Variants in GARNL3 observed in about 807,000 individuals in gnomAD.
The protein encoded by GARNL3 is GTPase-activating Rap/Ran-GAP domain-like protein 3.
A neutral mutation model predicts 125.0 loss-of-function variants in GARNL3; 63 were observed. That is an observed-to-expected ratio of 0.50 (90% CI 0.41 to 0.62). The LOEUF (loss-of-function observed/expected upper bound fraction) is 0.62. Among genes scored for constraint, GARNL3 ranks in the 20% least tolerant of loss-of-function variants. The pLI, the probability that GARNL3 is intolerant of heterozygous loss-of-function variation, is 0.00. For synonymous variants in GARNL3, 439 were observed against 457.5 expected (o/e 0.96, Z 0.52); for missense variants, 994 against 1,244.0 (o/e 0.80, Z 3.02).
intron 2 of GARNL3, chr9:127,300,485 T>C (rs2064749278): frequency 5.0e-6 from 2 of 397,276 alleles, no homozygotes; most frequent in Non-Finnish European, 9.7e-6. Context: ...TTTTTTGTTG[T>C]TTTTTGAGAC....
chr9:127,377,674 CT>C (rs1831994794), intron 22 of GARNL3, among the ~76,000 whole-genome samples: 2 of 151,788 alleles, frequency 1.3e-5, no homozygotes, highest in African/African-American at 4.8e-5. Flanking sequence ...GTAATCCCAG[CT>C]ACTTGGGAGG....
At chr9:127,260,157 C>T (rs114985879), upstream of GARNL3, among the ~76,000 whole-genome samples, 371 of 152,270 alleles carry the variant, frequency 2.4e-3, 3 homozygotes, top group African/African-American at 8.5e-3. Flanking sequence ...GACTGAAGTG[C>T]GTGCTCTGAG....
At chr9:127,391,798 C>G (rs760084870) in intron 27 of GARNL3, among the ~76,000 whole-genome samples, 4 of 151,758 alleles carry the variant, frequency 2.6e-5, no homozygotes, top group Non-Finnish European at 5.9e-5. Flanking sequence ...TCCAGCCTAT[C>G]CGAATGCCAG....
intron 2 of GARNL3, among the ~76,000 whole-genome samples, chr9:127,305,215 A>G (rs1283516034): frequency 1.3e-5 from 2 of 148,768 alleles, no homozygotes; most frequent in African/African-American, 4.8e-5. Flanking sequence ...ATGAGGGTGT[A>G]TAAATGTAAA....
rs1189282886 is a variant in GARNL3, at chr9:127,311,749, T to TGTG, written c.319+20_319+22dup. 1 of 1,536,418 alleles carries TGTG rather than the reference T, an allele frequency of 6.5e-7. No homozygotes were observed. The highest frequency in any genetic ancestry group is 1.1e-5 in the South Asian group (1 of 89,416). ...TTTTAGGACAAGGTAATTATGCTAT[T>TGTG]GTGGTGGTAGGGAAGAAAGGGTATT... On this transcript the variant is annotated intron_variant, in intron 3 of 27. Transcript: ENST00000373387.
chr9:127,260,013 A>G (rs1332645054), upstream of GARNL3, among the ~76,000 whole-genome samples: 1 of 152,194 alleles, frequency 6.6e-6, no homozygotes, highest in Non-Finnish European at 1.5e-5. Flanking sequence ...AGCGTGGGCA[A>G]CAGACATTGT....
At chr9:127,380,681 A>C (rs1357196938) in intron 22 of GARNL3, among the ~76,000 whole-genome samples, 1 of 152,216 alleles carries the variant, frequency 6.6e-6, no homozygotes, top group African/African-American at 2.4e-5. Flanking sequence ...CAGACACAAA[A>C]GGCCACATGT....
chr9:127,250,735 T>A (rs1244606086), intron 2 of GARNL3, among the ~76,000 whole-genome samples: 1 of 152,120 alleles, frequency 6.6e-6, no homozygotes, highest in Non-Finnish European at 1.5e-5. Context: ...GATGTGGATC[T>A]TCATCATTCA....
chr9:127,327,460 AG>A (rs2065610069), intron 7 of GARNL3, among the ~76,000 whole-genome samples: 1 of 152,220 alleles, frequency 6.6e-6, no homozygotes, highest in African/African-American at 2.4e-5. Context: ...GTAAATACAA[AG>A]AAGGGGCTGA....
intron 1 of GARNL3, among the ~76,000 whole-genome samples, chr9:127,233,587 G>A (rs935372728): frequency 1.3e-5 from 2 of 152,162 alleles, no homozygotes; most frequent in Non-Finnish European, 2.9e-5. Context: ...TAGTTAAGTG[G>A]TTAAATTATG....
In GARNL3 at chr9:127,354,180, TG is replaced by T. The variant is rs914681234; in HGVS notation, c.1643-113del. ...GGTTAAAGTGGTGTGGGGTGCCTCC[TG>T]AATTCCAGAACACCTCCAATCCTAG... On this transcript the variant is annotated intron_variant, in intron 18 of 27. Transcript: ENST00000373387. 3.8e-6 allele frequency: 3 copies of T among 787,522 alleles called. No homozygotes were observed. The African/African-American group carries it at 5.2e-5, about 14-fold the overall frequency. 48.8% of individuals were successfully genotyped at this position (787,522 alleles called of 1,614,324 possible).
chr9:127,269,019 G>A (rs1161508321), intron 1 of GARNL3, among the ~76,000 whole-genome samples: 1 of 152,100 alleles, frequency 6.6e-6, no homozygotes, highest in East Asian at 1.9e-4. Context: ...CTGTTTGTGA[G>A]GCAGGATCTC....
intron 22 of GARNL3, among the ~76,000 whole-genome samples, chr9:127,376,249 T>C (rs1373886265): frequency 6.6e-6 from 1 of 151,480 alleles, no homozygotes; most frequent in East Asian, 2.0e-4. Flanking sequence ...CGTGAGCCAC[T>C]GCACCCAGCC....
In GARNL3 at chr9:127,376,872, G is replaced by A. The variant is rs566129906; in HGVS notation, c.2162-6566G>A. Among the ~76,000 whole-genome samples, 5 of 152,290 alleles carry A rather than the reference G, an allele frequency of 3.3e-5. No homozygotes were observed. The South Asian group carries it at 1.0e-3, about 32-fold the overall frequency. ...CCAACCCTCGTGGAATTTGGGACAA[G>A]GACAATCCAACATCACTGTAGAATC... On this transcript the variant is annotated intron_variant, in intron 22 of 27. Coordinates refer to ENST00000373387, the MANE Select transcript of GARNL3 (RefSeq NM_032293.5).
chr9:127,335,316 A>G lies in GARNL3; in HGVS notation c.856A>G (p.Lys286Glu), dbSNP rs758623171. ...TGTTTCCACCATGTTGCCATATTCC[A>G]AAGAGAACAAACAGCAGGTACATGT... ...FHVSTMLPYS[K>E]ENKQQVERKR... Residue 286 changes from lysine (K) to glutamate (E), a missense_variant, in exon 10 of 28, where the codon AAA (lysine) becomes GAA (glutamate). Around this residue, in one of 5 missense-constraint regions of GARNL3, gnomAD observed 19 missense variants for 46.4 expected, o/e 0.41. Coordinates refer to ENST00000373387, the MANE Select transcript of GARNL3 (RefSeq NM_032293.5). The G allele has an allele frequency of 1.9e-6, 3 of 1,612,534 alleles. No homozygotes were observed. Among genetic ancestry groups the G allele is most frequent in the Non-Finnish European group, 2.5e-6 (3 of 1,178,578 alleles).
At chr9:127,225,818 G>GGC (rs1398579612) in intron 1 of GARNL3, among the ~76,000 whole-genome samples, 72 of 150,962 alleles carry the variant, frequency 4.8e-4, no homozygotes, top group South Asian at 1.9e-3. Context: ...CGCCCCTCGC[G>GGC]CCCCTTGCGC....
At chr9:127,374,040 G>A (rs548678710) in intron 22 of GARNL3, among the ~76,000 whole-genome samples, 4 of 151,926 alleles carry the variant, frequency 2.6e-5, no homozygotes, top group South Asian at 4.2e-4. Flanking sequence ...GGTGCTTCAC[G>A]CCTGTAATCC....
At chr9:127,355,526 C>T in intron 20 of GARNL3, 54 bp downstream of exon 20, 1 of 1,537,448 alleles carries the variant, frequency 6.5e-7, no homozygotes, top group Non-Finnish European at 9.0e-7. Context: ...TTGAAGCAGA[C>T]TCTGTCCTTC....
chr9:127,224,844 G>T (rs1188596132), intron 1 of GARNL3, among the ~76,000 whole-genome samples: 1 of 149,804 alleles, frequency 6.7e-6, no homozygotes, highest in Non-Finnish European at 1.5e-5. Context: ...CCTCGCAGAG[G>T]TGCAGAAAGC....
Sources: allele counts gnomAD v4.1 joint callset (sites outside exome capture counted in the v4.1 genomes callset), GRCh38; gene constraint gnomAD v4.1.1; regional missense constraint gnomAD v4.1.1; transcripts MANE v1.5; gene names NCBI Gene and HGNC (gene_info 2026-07-23, HGNC 2026-07-21).